Variants in PCLO observed in about 807,000 individuals in gnomAD.
PCLO encodes the protein protein piccolo.
A neutral mutation model predicts 427.5 loss-of-function variants in PCLO; 82 were observed. That is an observed-to-expected ratio of 0.19 (90% CI 0.16 to 0.23). The LOEUF (loss-of-function observed/expected upper bound fraction) is 0.23. Ranked by LOEUF, PCLO falls within the 10% of genes least tolerant of loss-of-function variation. The pLI, the probability that PCLO is intolerant of heterozygous loss-of-function variation, is 1.00. For missense variants in PCLO, 6,239 were observed against 6,115.9 expected (o/e 1.02, Z -0.67); for synonymous variants, 2,357 against 2,155.4 (o/e 1.09, Z -2.59).
chr7:82,852,815 T>A (rs1792699425), intron 10 of PCLO, among the ~76,000 whole-genome samples: 1 of 152,158 alleles, frequency 6.6e-6, no homozygotes, highest in African/African-American at 2.4e-5. Context: ...CACTGGATCT[T>A]ATTTATTCTC....
At chr7:82,835,722 G>C in intron 15 of PCLO, 29 bp from the exon 16 acceptor site, 1 of 1,590,818 alleles carries the variant, frequency 6.3e-7, no homozygotes, top group South Asian at 1.1e-5. Flanking sequence ...CGAGAGTGAA[G>C]GGGTAAAACA....
intron 3 of PCLO, among the ~76,000 whole-genome samples, chr7:82,971,762 G>A (rs1583857667): frequency 1.4e-5 from 2 of 145,324 alleles, no homozygotes; most frequent in Non-Finnish European, 3.0e-5. Context: ...ATATATATAT[G>A]TACTGAGAAC....
At chr7:83,006,939 C>T (rs915989800) in intron 3 of PCLO, among the ~76,000 whole-genome samples, 6 of 151,502 alleles carry the variant, frequency 4.0e-5, no homozygotes, top group Non-Finnish European at 7.4e-5. Flanking sequence ...CTTTTCCTTA[C>T]CATTTGCCAC....
At chr7:83,098,227 A>G (rs932138036) in intron 3 of PCLO, among the ~76,000 whole-genome samples, 10 of 152,130 alleles carry the variant, frequency 6.6e-5, no homozygotes, top group Non-Finnish European at 1.3e-4. Context: ...AGATACTCAG[A>G]ATAAAGATCA....
At chr7:83,097,869 T>G (rs1366590369) in intron 3 of PCLO, among the ~76,000 whole-genome samples, 1 of 152,016 alleles carries the variant, frequency 6.6e-6, no homozygotes, top group Non-Finnish European at 1.5e-5. Context: ...CTATACATAC[T>G]ATATAATACA....
At chr7:82,991,460 C>T (rs1796374979) in intron 3 of PCLO, among the ~76,000 whole-genome samples, 1 of 152,086 alleles carries the variant, frequency 6.6e-6, no homozygotes, top group Non-Finnish European at 1.5e-5. Context: ...AATTTATTCA[C>T]ATCTGGGGGC....
chr7:82,837,055 T>C (rs1457319578), intron 15 of PCLO, among the ~76,000 whole-genome samples: 2 of 152,106 alleles, frequency 1.3e-5, no homozygotes, highest in African/African-American at 4.8e-5. Context: ...AGGAAAATAT[T>C]AAGAGGCAAC....
At chr7:82,830,963 A>T (rs1486974888) in intron 16 of PCLO, among the ~76,000 whole-genome samples, 1 of 152,074 alleles carries the variant, frequency 6.6e-6, no homozygotes, top group African/African-American at 2.4e-5. Context: ...GGAATTGTAG[A>T]TGTCTATCAA....
At chr7:82,962,524 T>C (rs903388860) in intron 4 of PCLO, among the ~76,000 whole-genome samples, 16 of 152,034 alleles carry the variant, frequency 1.1e-4, no homozygotes, top group Admixed American at 3.3e-4. Context: ...AACCCAACTA[T>C]GGAGATTTCT....
intron 3 of PCLO, among the ~76,000 whole-genome samples, chr7:83,056,356 A>T (rs1333175442): frequency 1.3e-5 from 2 of 152,164 alleles, no homozygotes; most frequent in Non-Finnish European, 2.9e-5. Flanking sequence ...CAGACAACAA[A>T]CAGACTTCTA....
chr7:82,915,021 T>G lies in PCLO; in HGVS notation c.12965A>C (p.Glu4322Ala). Residue 4322 changes from glutamate (E) to alanine (A), a missense_variant, in exon 7 of 25, where the codon GAA becomes GCA. Transcript: ENST00000333891. ...ATGACTAAAGGAAACATCTAGAGCT[T>G]CAGCCTCTTGAGCTTTCAGTCTTAG... is the stretch of plus-strand genomic sequence containing the variant. Reference protein sequence around the residue: ...SSLRLKAQEAEALDVSFSHAS... With the variant: ...SSLRLKAQEAAALDVSFSHAS... 1.9e-6 allele frequency: 3 copies of G among 1,613,640 alleles called. No homozygotes were observed.
intron 6 of PCLO, among the ~76,000 whole-genome samples, chr7:82,940,839 T>G (rs1795067689): frequency 7.0e-6 from 1 of 143,662 alleles, no homozygotes; most frequent in African/African-American, 2.6e-5. Flanking sequence ...CTCGGCTCAC[T>G]GCAAGCTCCG....
At chr7:83,021,291 G>T (rs1277008926) in intron 3 of PCLO, among the ~76,000 whole-genome samples, 2 of 152,110 alleles carry the variant, frequency 1.3e-5, no homozygotes, top group Admixed American at 1.3e-4. Context: ...TGTTGTCTTG[G>T]TGTATTGGTC....
intron 6 of PCLO, among the ~76,000 whole-genome samples, chr7:82,932,645 G>A (rs17235831): frequency 0.088 from 13,455 of 152,098 alleles, 809 homozygotes; most frequent in South Asian, 0.15. Context: ...CAGAAAAACT[G>A]GGTGTGGGAT....
In PCLO at chr7:82,824,409, A is replaced by G. The variant is rs767682592; in HGVS notation, c.14423T>C (p.Ile4808Thr). ...GAGGTGAGATGTGCTAGATAAATCAATCAATACCTGAAAAAAAGTGTAACA... is the reference window on the plus strand; with the variant it reads ...GAGGTGAGATGTGCTAGATAAATCAGTCAATACCTGAAAAAAAGTGTAACA... ...SSNDFLGEVL[I>T]DLSSTSHLDN... Residue 4808 changes from isoleucine to threonine, a missense_variant, in exon 19 of 25, where the codon ATT (isoleucine) becomes ACT (threonine). By Grantham distance (89) the Ile-to-Thr change is moderately conservative. Transcript: ENST00000333891. 1 of 1,578,148 alleles carries G rather than the reference A, an allele frequency of 6.3e-7. No homozygotes were observed. The highest frequency in any genetic ancestry group is 1.4e-5 in the African/African-American group (1 of 73,826).
At chr7:83,151,654 C>T (rs1248936668) in intron 2 of PCLO, among the ~76,000 whole-genome samples, 3 of 152,164 alleles carry the variant, frequency 2.0e-5, no homozygotes, top group Admixed American at 1.3e-4. Flanking sequence ...CTTTCATATT[C>T]CCAGCTCACA....
intron 6 of PCLO, among the ~76,000 whole-genome samples, chr7:82,946,865 G>T (rs567514369): frequency 6.6e-6 from 1 of 152,176 alleles, no homozygotes; most frequent in Non-Finnish European, 1.5e-5. Context: ...TTAGAGAACT[G>T]ATGGCAGTAA....
At chr7:83,067,998 TAAG>T (rs1203812148) in intron 3 of PCLO, among the ~76,000 whole-genome samples, 1 of 152,226 alleles carries the variant, frequency 6.6e-6, no homozygotes, top group East Asian at 1.9e-4. Context: ...GGTAATATAA[TAAG>T]AAGCAATATT....
chr7:82,964,167 G>A (rs931569662), intron 4 of PCLO, among the ~76,000 whole-genome samples: 2 of 149,618 alleles, frequency 1.3e-5, no homozygotes, highest in African/African-American at 2.6e-5. Flanking sequence ...AGTAAGTAAG[G>A]TAGTGCCCTG....
Sources: allele counts gnomAD v4.1 joint callset (sites outside exome capture counted in the v4.1 genomes callset), GRCh38; gene constraint gnomAD v4.1.1; transcripts MANE v1.5; gene names NCBI Gene and HGNC (gene_info 2026-07-23, HGNC 2026-07-21).